FANK1: variants seen among roughly 807,000 people sequenced by gnomAD.
The protein encoded by FANK1 is fibronectin type III and ankyrin repeat domains 1, also known as fibronectin type 3 and ankyrin repeat domains protein 1.
FANK1 carries 44 observed loss-of-function variants against 45.3 expected under a neutral mutation model. The ratio of observed to expected loss-of-function variants is 0.97; its 90% confidence interval spans 0.76 to 1.25. The LOEUF (loss-of-function observed/expected upper bound fraction) is 1.25. Ranked by LOEUF, FANK1 falls within the 50% of genes most tolerant of loss-of-function variation. FANK1 has a pLI of 0.00. For missense variants in FANK1, 391 were observed against 424.4 expected (o/e 0.92, Z 0.69); for synonymous variants, 149 against 152.5 (o/e 0.98, Z 0.17).
chr10:125,932,621 C>G (rs1274190007), intron 1 of FANK1, among the ~76,000 whole-genome samples: 7 of 152,020 alleles, frequency 4.6e-5, no homozygotes, highest in Non-Finnish European at 1.0e-4. Flanking sequence ...TCTGGAGGAG[C>G]CTTTAGGGTT....
rs1953513630 is a variant in FANK1, at chr10:126,009,589, C to T, written c.*151C>T. ...CCCACTTTGAAATACATCTTTTTACCTAAGCATGTGCGTATGTGGTACCAT... is the reference window on the plus strand; with the variant it reads ...CCCACTTTGAAATACATCTTTTTACTTAAGCATGTGCGTATGTGGTACCAT... On this transcript the variant is annotated 3_prime_UTR_variant, in exon 11 of 11. Transcript: ENST00000368693. The T allele has an allele frequency of 1.4e-5, 11 of 791,210 alleles. No homozygotes were observed. Among genetic ancestry groups the T allele is most frequent in the Non-Finnish European group, 2.2e-5 (11 of 502,484 alleles). 49.0% of individuals were successfully genotyped at this position (791,210 alleles called of 1,614,324 possible). A position where few individuals can be genotyped will look rare whatever the true frequency, so the allele number is the denominator to read the frequency against.
chr10:125,941,234 G>A (rs1948434189), intron 1 of FANK1, among the ~76,000 whole-genome samples: 1 of 152,074 alleles, frequency 6.6e-6, no homozygotes, highest in African/African-American at 2.4e-5. Flanking sequence ...ATTTCTACAA[G>A]TCAATTAAAA....
At chr10:125,950,120 A>G (rs1949101718) in intron 1 of FANK1, among the ~76,000 whole-genome samples, 1 of 148,362 alleles carries the variant, frequency 6.7e-6, no homozygotes, top group Admixed American at 6.8e-5. Flanking sequence ...TAAATTCAAG[A>G]TGGATTAAAG....
At chr10:125,915,155 G>A (rs1946350667) in intron 1 of FANK1, among the ~76,000 whole-genome samples, 1 of 152,168 alleles carries the variant, frequency 6.6e-6, no homozygotes, top group Non-Finnish European at 1.5e-5. Flanking sequence ...GGACTGCCAG[G>A]CTGCTCTTTC....
intron 1 of FANK1, among the ~76,000 whole-genome samples, chr10:125,913,472 G>A (rs1377165764): frequency 3.3e-5 from 5 of 152,182 alleles, no homozygotes; most frequent in Admixed American, 2.0e-4. Flanking sequence ...TCAGTTGCCC[G>A]TTGGTAACTT....
chr10:125,914,362 G>A (rs554060535), intron 1 of FANK1, among the ~76,000 whole-genome samples: 22 of 151,590 alleles, frequency 1.5e-4, no homozygotes, highest in African/African-American at 4.6e-4. Context: ...TAAGCTTCAT[G>A]AGGACAGGAA....
intron 1 of FANK1, among the ~76,000 whole-genome samples, chr10:125,921,339 A>T (rs1946930927): frequency 6.6e-6 from 1 of 152,172 alleles, no homozygotes; most frequent in African/African-American, 2.4e-5. Context: ...GGCTACTTTC[A>T]TGTACTGTAT....
Position 125,923,274 on chromosome 10 carries a change from T to A in FANK1, c.13+26619T>A, listed in dbSNP as rs539322790. Among the ~76,000 whole-genome samples, 5 of 149,530 alleles carry A rather than the reference T, an allele frequency of 3.3e-5. No individual in the cohort carries two copies. The South Asian group carries it at 1.1e-3, about 32-fold the overall frequency. On this transcript the variant is annotated intron_variant, in intron 1 of 10. Transcript: ENST00000368693. ...AGTAGTTCAAGACCAGCCTGGGCAA[T>A]ATAGTGAGACTCCATCTCTGCAAAA...
At chr10:125,991,278 T>TGTGTGTGTGTGTGTGTGTGTGTGTGTGTG (rs60170742) in intron 3 of FANK1, among the ~76,000 whole-genome samples, 1 of 147,076 alleles carries the variant, frequency 6.8e-6, no homozygotes, top group African/African-American at 2.5e-5. Flanking sequence ...TGTGTGTGTG[T>TGTGTGTGTGTGTGTGTGTGTGTGTGTGTG]TGGGGGAGTG....
intron 2 of FANK1, among the ~76,000 whole-genome samples, chr10:125,987,597 T>C (rs1337979921): frequency 6.6e-6 from 1 of 151,796 alleles, no homozygotes; most frequent in African/African-American, 2.4e-5. Context: ...AATTTAGAGA[T>C]AAGATTTGAA....
intron 1 of FANK1, among the ~76,000 whole-genome samples, chr10:125,916,019 A>G (rs1387846784): frequency 6.6e-6 from 1 of 152,088 alleles, no homozygotes; most frequent in African/African-American, 2.4e-5. Flanking sequence ...TCTGTGTAAT[A>G]TGAGAAAGTA....
chr10:125,995,560 G>A, intron 4 of FANK1, 62 bp downstream of exon 4: 3 of 1,474,332 alleles, frequency 2.0e-6, no homozygotes, highest in Non-Finnish European at 9.5e-7. Flanking sequence ...AGAAATACAT[G>A]CAGTAGTTTC....
intron 1 of FANK1, among the ~76,000 whole-genome samples, chr10:125,936,938 A>T (rs1387239842): frequency 6.6e-6 from 1 of 151,990 alleles, no homozygotes; most frequent in African/African-American, 2.4e-5. Flanking sequence ...GTGGTGGTGC[A>T]TGCCTGTAAT....
chr10:125,903,783 T>A (rs1945253122), intron 1 of FANK1, among the ~76,000 whole-genome samples: 1 of 152,144 alleles, frequency 6.6e-6, no homozygotes, highest in African/African-American at 2.4e-5. Context: ...GCTAGTTTAG[T>A]GTATTACTCC....
chr10:126,004,790 A>G, intron 6 of FANK1, 94 bp from the exon 7 acceptor site: 1 of 1,279,442 alleles, frequency 7.8e-7, no homozygotes, highest in South Asian at 1.3e-5. Flanking sequence ...CACTCAAGTT[A>G]GGATTTCTTG....
chr10:125,898,814 ATTTC>A (rs945916850), intron 1 of FANK1, among the ~76,000 whole-genome samples: 4 of 151,660 alleles, frequency 2.6e-5, no homozygotes, highest in Admixed American at 1.3e-4. Flanking sequence ...ATGACTGTAA[ATTTC>A]TTTCTTTCCA....
chr10:125,981,842 T>C (rs10901493), intron 2 of FANK1, among the ~76,000 whole-genome samples: 59,942 of 152,044 alleles, frequency 0.39, 12,001 homozygotes, highest in South Asian at 0.46. Context: ...TTCTCAAGTT[T>C]GCATTGTGAT....
rs1953049322 is a variant in FANK1, at chr10:126,004,735, GATGGATACGTGTACGTTTTAT to G, written c.540-145_540-125del. The G allele has an allele frequency of 5.8e-6, 4 of 689,308 alleles. No individual in the cohort carries two copies. In the South Asian group the frequency reaches 7.5e-5, roughly 13 times the overall value. The allele number at this position is 689,308 out of a possible 1,614,324, so 42.7% of individuals were successfully genotyped here. A position where few individuals can be genotyped will look rare whatever the true frequency, so the allele number is the denominator to read the frequency against. ...ATATACCACATTTTGTACATCAGTT[GATGGATACGTGTACGTTTTAT>G]ATGAACAGTTCCCATGGCTTTTCCA... On this transcript the variant is annotated intron_variant, in intron 6 of 10. Coordinates refer to ENST00000368693, the MANE Select transcript of FANK1 (RefSeq NM_145235.5).
At chr10:125,937,100 G>A (rs1354535839) in intron 1 of FANK1, among the ~76,000 whole-genome samples, 2 of 152,130 alleles carry the variant, frequency 1.3e-5, no homozygotes, top group East Asian at 3.9e-4. Flanking sequence ...ACCTCTATGA[G>A]CATTCTAGTA....
Sources: allele counts gnomAD v4.1 joint callset (sites outside exome capture counted in the v4.1 genomes callset), GRCh38; gene constraint gnomAD v4.1.1; transcripts MANE v1.5; gene names NCBI Gene and HGNC (gene_info 2026-07-23, HGNC 2026-07-21).